FBXO38: variants seen among roughly 807,000 people sequenced by gnomAD.
The protein encoded by FBXO38 is F-box protein 38.
FBXO38 carries 53 observed loss-of-function variants against 131.9 expected under a neutral mutation model. The observed-to-expected ratio is 0.40, with a 90% CI of 0.32 to 0.51. The LOEUF is 0.51. Ranked by LOEUF, FBXO38 falls within the 20% of genes least tolerant of loss-of-function variation. The pLI, the probability that FBXO38 is intolerant of heterozygous loss-of-function variation, is 0.53. For synonymous variants in FBXO38, 452 were observed against 505.6 expected (o/e 0.89, Z 1.42); for missense variants, 1,076 against 1,475.6 (o/e 0.73, Z 4.44).
intron 2 of FBXO38, among the ~76,000 whole-genome samples, chr5:148,398,099 AG>A (rs769137766): frequency 6.6e-6 from 1 of 152,044 alleles, no homozygotes; most frequent in Non-Finnish European, 1.5e-5. Context: ...CAGGTCAGAG[AG>A]GGGGAGATAA....
chr5:148,405,399 C>G (rs1373505847), intron 6 of FBXO38, among the ~76,000 whole-genome samples: 1 of 152,094 alleles, frequency 6.6e-6, no homozygotes, highest in Non-Finnish European at 1.5e-5. Context: ...AATTTTTCCT[C>G]TTCCAATGTG....
At chr5:148,431,871 C>T (rs1295307745) in intron 15 of FBXO38, among the ~76,000 whole-genome samples, 1 of 152,152 alleles carries the variant, frequency 6.6e-6, no homozygotes, top group Non-Finnish European at 1.5e-5. Flanking sequence ...ATGGGTAGAG[C>T]TCTTGGGCTC....
At chr5:148,416,134 A>ATTTTTTTTTTTT (rs376168098) in intron 11 of FBXO38, 64 bp downstream of exon 11, 1 of 1,066,304 alleles carries the variant, frequency 9.4e-7, no homozygotes, top group Non-Finnish European at 1.3e-6. Context: ...ACAGCCTGTG[A>ATTTTTTTTTTTT]TTTTTTTTTT....
At chr5:148,430,796 C>G (rs1023511289) in intron 15 of FBXO38, 3 of 152,188 alleles carry the variant, frequency 2.0e-5, no homozygotes, top group African/African-American at 7.2e-5. Flanking sequence ...ATTTTAGAAG[C>G]TAATATAATT....
intron 3 of FBXO38, 127 bp from the exon 4 acceptor site, chr5:148,401,855 T>C (rs1752170429): frequency 2.6e-6 from 2 of 771,358 alleles, no homozygotes; most frequent in Non-Finnish European, 4.1e-6. Context: ...TTATTCAGCT[T>C]TAGTGTTAGC....
chr5:148,417,379 T>C (rs1753123212), intron 12 of FBXO38, among the ~76,000 whole-genome samples, 175 bp downstream of exon 12: 1 of 152,174 alleles, frequency 6.6e-6, no homozygotes, highest in Admixed American at 6.5e-5. Flanking sequence ...TTCTTGCTTG[T>C]TTCAAAACTG....
At chr5:148,406,527 G>T in intron 7 of FBXO38, 133 bp downstream of exon 7, 1 of 680,762 alleles carries the variant, frequency 1.5e-6, no homozygotes, top group Non-Finnish European at 2.3e-6. Flanking sequence ...TGTTGTATTT[G>T]ATGGACAGTA....
intron 9 of FBXO38, among the ~76,000 whole-genome samples, chr5:148,412,604 A>G (rs1012620750): frequency 3.9e-5 from 6 of 152,110 alleles, no homozygotes; most frequent in African/African-American, 1.4e-4. Context: ...AATTTCAGAA[A>G]CAATATAGTC....
In FBXO38 at chr5:148,439,753, G is replaced by A. The variant is rs1754565238; in HGVS notation, c.3131G>A (p.Arg1044His). ...CCTCCCAATGTCCGGAATAAGGTGCGCATTCGCAGCTGGATGGACACTATA... is the reference window on the plus strand; with the variant it reads ...CCTCCCAATGTCCGGAATAAGGTGCACATTCGCAGCTGGATGGACACTATA... The part of the protein sequence containing the change: ...SNPPNVRNKV[R>H]IRSWMDTIAN... The change falls in exon 19 of 22, where the codon CGC (arginine) becomes CAC (histidine). Residue 1044 changes from arginine to histidine, a missense_variant. Arg to His is a conservative substitution (Grantham distance 29). Around this residue, in one of 8 missense-constraint regions of FBXO38, gnomAD observed 282 missense variants for 418.8 expected, o/e 0.67. Coordinates refer to ENST00000340253, the MANE Select transcript of FBXO38 (RefSeq NM_205836.3). The A allele has an allele frequency of 1.2e-6, 2 of 1,614,006 alleles. No individual in the cohort carries two copies. The highest frequency in any genetic ancestry group is 1.1e-5 in the South Asian group (1 of 91,076).
chr5:148,434,823 G>A (rs1386088302), intron 17 of FBXO38: 1 of 152,226 alleles, frequency 6.6e-6, no homozygotes, highest in Non-Finnish European at 1.5e-5. Context: ...CAGGCACGGT[G>A]GCTCACGCCT....
chr5:148,427,998 G>A (rs535998015), intron 15 of FBXO38, 51 bp downstream of exon 15: 14 of 1,423,002 alleles, frequency 9.8e-6, no homozygotes, highest in African/African-American at 2.8e-5. Context: ...CTGCAGAAAG[G>A]CATGAACTTG....
At chr5:148,395,317 G>A (rs1215622617) in intron 2 of FBXO38, among the ~76,000 whole-genome samples, 1 of 152,026 alleles carries the variant, frequency 6.6e-6, no homozygotes, top group African/African-American at 2.4e-5. Context: ...CCCACAGTGA[G>A]AAACATAACA....
chr5:148,432,769 G>A (rs1198970515), intron 15 of FBXO38, among the ~76,000 whole-genome samples: 1 of 152,184 alleles, frequency 6.6e-6, no homozygotes, highest in African/African-American at 2.4e-5. Context: ...AGAGAGTGTT[G>A]TTGCCTTTAA....
intron 8 of FBXO38, 72 bp from the exon 9 acceptor site, chr5:148,410,563 T>C: frequency 3.3e-6 from 5 of 1,525,664 alleles, no homozygotes; most frequent in Non-Finnish European, 4.5e-6. Context: ...ACTAATACAC[T>C]TATATTAGGA....
intron 6 of FBXO38, 42 bp from the exon 7 acceptor site, chr5:148,406,215 G>T: frequency 1.3e-6 from 2 of 1,487,726 alleles, no homozygotes; most frequent in Non-Finnish European, 1.8e-6. Flanking sequence ...TCATTTTAAG[G>T]CACTTTACAT....
intron 3 of FBXO38, among the ~76,000 whole-genome samples, chr5:148,400,911 C>A (rs1396469119): frequency 6.6e-6 from 1 of 152,034 alleles, no homozygotes; most frequent in Non-Finnish European, 1.5e-5. Flanking sequence ...ATGATTAACA[C>A]ATTGAATCGT....
chr5:148,387,933 G>C (rs571847746), intron 1 of FBXO38, among the ~76,000 whole-genome samples: 1 of 152,104 alleles, frequency 6.6e-6, no homozygotes, highest in Non-Finnish European at 1.5e-5. Flanking sequence ...CTTGTGATCT[G>C]CCTGCCTCGG....
At chr5:148,396,660 A>T (rs1020872177) in intron 2 of FBXO38, among the ~76,000 whole-genome samples, 1 of 152,198 alleles carries the variant, frequency 6.6e-6, no homozygotes, top group Non-Finnish European at 1.5e-5. Context: ...TTTTTGAGAC[A>T]GAGTCTCACT....
chr5:148,414,021 G>A, intron 9 of FBXO38, 115 bp from the exon 10 acceptor site: 3 of 899,066 alleles, frequency 3.3e-6, no homozygotes, highest in Non-Finnish European at 4.9e-6. Context: ...ATAAGCAGAT[G>A]ATACAGAATG....
Sources: allele counts gnomAD v4.1 joint callset (sites outside exome capture counted in the v4.1 genomes callset), GRCh38; gene constraint gnomAD v4.1.1; regional missense constraint gnomAD v4.1.1; transcripts MANE v1.5; gene names NCBI Gene and HGNC (gene_info 2026-07-23, HGNC 2026-07-21).